Variants in NIN observed in about 807,000 individuals in gnomAD.
NIN encodes the protein glycogen synthase kinase 3 beta-interacting protein.
NIN carries 137 observed loss-of-function variants against 257.6 expected under a neutral mutation model. That is an observed-to-expected ratio of 0.53 (90% CI 0.46 to 0.61). NIN has a LOEUF of 0.61. NIN is among the 20% of genes least tolerant of loss of function. NIN has a pLI of 0.00. For synonymous variants in NIN, 918 were observed against 919.8 expected, an observed-to-expected ratio of 1.00 and a Z score of 0.04; for missense variants, 2,439 against 2,501.2, an observed-to-expected ratio of 0.98 and a Z score of 0.53.
chr14:50,750,430 A>G (rs2041738441), intron 21 of NIN, among the ~76,000 whole-genome samples: 1 of 152,210 alleles, frequency 6.6e-6, no homozygotes, highest in Admixed American at 6.5e-5. Context: ...TCCAACAGTG[A>G]GAAATCTAGT....
chr14:50,816,112 C>T (rs1309602142), intron 3 of NIN, among the ~76,000 whole-genome samples: 5 of 151,960 alleles, frequency 3.3e-5, no homozygotes, highest in Admixed American at 1.3e-4. Flanking sequence ...AACCAAACAC[C>T]GCATGTTCTC....
intron 28 of NIN, among the ~76,000 whole-genome samples, chr14:50,730,643 T>C (rs921160397): frequency 1.3e-5 from 2 of 152,172 alleles, no homozygotes; most frequent in African/African-American, 2.4e-5. Flanking sequence ...TTGAAATACC[T>C]CTAGTTGTAG....
Position 50,760,184 on chromosome 14 carries a change from T to C in NIN, c.2072A>G (p.His691Arg), listed in dbSNP as rs78746672. The C allele has an allele frequency of 7.6e-4, 1,221 of 1,614,160 alleles. 10 individuals carry two copies. The African/African-American group carries it at 0.014, about 18-fold the overall frequency. ...GQAAVLKEAH[H>R]EATCRHEEEK... ...CTCCTCATGCCTGCAAGTGGCCTCA[T>C]GATGTGCCTCCTTGAGCACTGCTGC... Residue 691 changes from histidine to arginine, a missense_variant, in exon 17 of 31, where the codon CAT (histidine) becomes CGT (arginine). His to Arg is a conservative substitution (Grantham distance 29, BLOSUM62 0). This residue lies in a region of NIN where 2,043 missense variants were observed against 2,050.2 expected (regional missense o/e 1.00). Transcript: ENST00000530997.
chr14:50,727,624 G>C, intron 29 of NIN: 1 of 1,443,754 alleles, frequency 6.9e-7, no homozygotes, highest in Non-Finnish European at 9.4e-7. Flanking sequence ...TGTGGTGTGT[G>C]TGCATGGGTG....
At chr14:50,827,918 C>T (rs1277263033) in intron 2 of NIN, among the ~76,000 whole-genome samples, 1 of 151,358 alleles carries the variant, frequency 6.6e-6, no homozygotes, top group Non-Finnish European at 1.5e-5. Context: ...TTTTGTTCAA[C>T]CTAATAACTG....
chr14:50,726,023 A>G lies in NIN; in HGVS notation c.6122T>C (p.Ile2041Thr), dbSNP rs1457415999. 4 of 1,613,950 alleles carry G rather than the reference A, an allele frequency of 2.5e-6. No homozygotes were observed. Among genetic ancestry groups the G allele is most frequent in the Admixed American group, 1.7e-5 (1 of 60,002 alleles). Residue 2041 changes from isoleucine (I) to threonine (T), a missense_variant, in exon 30 of 31, where the codon ATA (isoleucine) becomes ACA (threonine). By Grantham distance (89) the Ile-to-Thr change is moderately conservative. This residue lies in a region of NIN where 2,043 missense variants were observed against 2,050.2 expected (regional missense o/e 1.00). Transcript: ENST00000530997. ...TAGTTTCAGTTTCTGTTCAACTTCT[A>G]TCATTCGTTCCTCCATGACAGTTAC... ...QLVTVMEERMIEVEQKLKLVK... is the reference protein window; with the variant it reads ...QLVTVMEERMTEVEQKLKLVK...
Position 50,721,763 on chromosome 14 carries a change from T to G in NIN, c.*1700A>C. 1 of 223,150 alleles carries G rather than the reference T, an allele frequency of 4.5e-6. No individual in the cohort carries two copies. The highest frequency in any genetic ancestry group is 9.0e-6 in the Non-Finnish European group (1 of 111,662). 13.8% of individuals were successfully genotyped at this position (223,150 alleles called of 1,614,324 possible). A position where few individuals can be genotyped will look rare whatever the true frequency, so the allele number is the denominator to read the frequency against. ...AGAGCTGTGCAAAAATTCAAAGGTT[T>G]GCTTCATCAGTGTGAACTCCCAGTC... On this transcript the variant is annotated 3_prime_UTR_variant, in exon 31 of 31. Transcript: ENST00000530997.
At chr14:50,799,956 C>A (rs1020674753) in intron 4 of NIN, among the ~76,000 whole-genome samples, 6 of 151,268 alleles carry the variant, frequency 4.0e-5, no homozygotes, top group Non-Finnish European at 5.9e-5. Context: ...GCTTGGGCAA[C>A]AAGAGCAAAA....
chr14:50,729,272 T>A (rs1375108324), intron 29 of NIN, among the ~76,000 whole-genome samples: 2 of 142,904 alleles, frequency 1.4e-5, no homozygotes, highest in Non-Finnish European at 3.1e-5. Flanking sequence ...TTTTTTTTAA[T>A]TTAAGAGATG....
chr14:50,806,775 G>C lies in NIN; in HGVS notation c.227C>G (p.Ser76Cys), dbSNP rs765069974. The C allele has an allele frequency of 1.9e-6, 3 of 1,587,120 alleles. No individual in the cohort carries two copies. The highest frequency in any genetic ancestry group is 1.7e-6 in the Non-Finnish European group (2 of 1,157,134). Residue 76 changes from serine to cysteine, a missense_variant, in exon 4 of 31, where the codon TCC (serine) becomes TGC (cysteine). Ser to Cys is a moderately radical substitution (Grantham distance 112). This residue lies in a region of NIN where 387 missense variants were observed against 427.3 expected (regional missense o/e 0.91). Transcript: ENST00000530997. ...QFKEALILIL[S>C]RTLSNEEHFQ... Reference sequence around the variant, plus strand: ...GTGTTCTTCATTTGACAGAGTTCTGGACAAGATGAGTATTAATGCTTCTTT... The same window carrying C: ...GTGTTCTTCATTTGACAGAGTTCTGCACAAGATGAGTATTAATGCTTCTTT...
intron 3 of NIN, among the ~76,000 whole-genome samples, chr14:50,807,552 G>C (rs944118272): frequency 2.6e-5 from 4 of 152,094 alleles, no homozygotes; most frequent in African/African-American, 9.7e-5. Flanking sequence ...ATCTCACCTT[G>C]GGATTTCTTC....
At chr14:50,779,618 C>T (rs1378520743) in intron 5 of NIN, among the ~76,000 whole-genome samples, 3 of 152,028 alleles carry the variant, frequency 2.0e-5, no homozygotes, top group Non-Finnish European at 4.4e-5. Context: ...ATTAGCCAGG[C>T]GAGGTGGCGG....
chr14:50,784,044 C>T (rs1219806092), intron 5 of NIN, among the ~76,000 whole-genome samples: 3 of 152,184 alleles, frequency 2.0e-5, no homozygotes, highest in African/African-American at 4.8e-5. Context: ...TATACGTAAC[C>T]TCTCATTGGA....
chr14:50,796,719 G>C (rs567390353), intron 4 of NIN, among the ~76,000 whole-genome samples: 28 of 152,274 alleles, frequency 1.8e-4, no homozygotes, highest in Admixed American at 6.5e-4. Flanking sequence ...GCAGCCAGGG[G>C]AAATAACAAA....
Position 50,792,734 on chromosome 14 carries a change from A to T in NIN, c.413T>A (p.Ile138Asn). 6.2e-7 allele frequency: 1 copy of T among 1,614,098 alleles called. No homozygotes were observed. Reference sequence around the variant, plus strand: ...TACCTCACTGCAGTCACCGGCTGGGATGTGTGAAGGCCGCGCTTCTTCATC... The same window carrying T: ...TACCTCACTGCAGTCACCGGCTGGGTTGTGTGAAGGCCGCGCTTCTTCATC... Reference protein sequence around the residue: ...PLDEEARPSHIPAGDCSEHWK... With the variant: ...PLDEEARPSHNPAGDCSEHWK... Residue 138 changes from isoleucine (I) to asparagine (N), a missense_variant, in exon 5 of 31, where the codon ATC becomes AAC. Transcript: ENST00000530997.
rs774126082 is a variant in NIN at position 50,777,106 on chromosome 14, T to G, written c.509A>C (p.Asn170Thr). 3 of 1,613,014 alleles carry G rather than the reference T, an allele frequency of 1.9e-6. No individual in the cohort carries two copies. Among genetic ancestry groups the G allele is most frequent in the Non-Finnish European group, 2.5e-6 (3 of 1,179,562 alleles). ...AGGGGAAGATCCACTCTGTGAAGCA[T>G]TCAAGTCATCTGGGTTCCAAAACCT... ...QLRFWNPDDL[N>T]ASQSGSSPPQ... Residue 170 changes from asparagine (N) to threonine (T), a missense_variant, in exon 7 of 31, where the codon AAT becomes ACT. Asn to Thr is a moderately conservative substitution (Grantham distance 65). Around this residue, in one of 3 missense-constraint regions of NIN, gnomAD observed 387 missense variants for 427.3 expected, o/e 0.91. Coordinates refer to ENST00000530997, the MANE Select transcript of NIN (RefSeq NM_020921.4).
At chr14:50,816,529 A>T (rs1261651539) in intron 3 of NIN, among the ~76,000 whole-genome samples, 1 of 152,140 alleles carries the variant, frequency 6.6e-6, no homozygotes, top group Non-Finnish European at 1.5e-5. Flanking sequence ...AGTTTGAGGA[A>T]ACTGTGCAGA....
intron 3 of NIN, among the ~76,000 whole-genome samples, chr14:50,818,041 T>C (rs997091362): frequency 2.4e-4 from 36 of 148,934 alleles, no homozygotes; most frequent in Non-Finnish European, 3.4e-4. Context: ...AAACTGGATA[T>C]GGCCGGGCAC....
chr14:50,734,703 A>T (rs1416912887), intron 28 of NIN, among the ~76,000 whole-genome samples: 1 of 152,074 alleles, frequency 6.6e-6, no homozygotes, highest in Non-Finnish European at 1.5e-5. Flanking sequence ...TTTTTGAGAC[A>T]GGGTCTCTCA....
Sources: gnomAD v4.1 joint callset for allele counts (sites outside exome capture counted in the v4.1 genomes callset) on GRCh38, gnomAD v4.1.1 for gene constraint, gnomAD v4.1.1 regional missense constraint, MANE v1.5 for transcripts, NCBI Gene and HGNC (gene_info 2026-07-23, HGNC 2026-07-21) for gene names.